Variants in EHBP1 observed in about 807,000 individuals in gnomAD.
The protein encoded by EHBP1 is EH domain-binding protein 1.
Under a neutral mutation model 144.0 loss-of-function variants are expected in EHBP1, and 55 were observed. The ratio of observed to expected loss-of-function variants is 0.38; its 90% CI spans 0.31 to 0.48. The LOEUF is 0.48. Ranked by LOEUF, EHBP1 falls within the 20% of genes least tolerant of loss-of-function variation. EHBP1 has a pLI of 0.98. For missense variants in EHBP1, 1,200 were observed against 1,364.2 expected (o/e 0.88, Z 1.90); for synonymous variants, 469 against 472.7 (o/e 0.99, Z 0.10).
At chr2:62,720,449 A>G (rs148219196) in intron 2 of EHBP1, among the ~76,000 whole-genome samples, 88 of 152,188 alleles carry the variant, frequency 5.8e-4, no homozygotes, top group Admixed American at 1.5e-3. Context: ...CTACATGCAA[A>G]TAGTTTCTCT....
In EHBP1 at chr2:62,864,745, A is replaced by G. The variant is rs1466512191; in HGVS notation, c.772A>G (p.Thr258Ala). The change falls in exon 9 of 23, where the codon ACA becomes GCA. Residue 258 changes from threonine (T) to alanine (A), a missense_variant. Thr to Ala is a moderately conservative substitution (Grantham distance 58). Around this residue, in one of 6 missense-constraint regions of EHBP1, gnomAD observed 266 missense variants for 262.4 expected, o/e 1.01. Coordinates refer to ENST00000431489, the MANE Select transcript of EHBP1 (RefSeq NM_001142616.3). ...DPDSEEPITE[T>A]ASPRKTEDSF... is the part of the protein sequence containing the mutation. ...TTATTTTATAGAACCTATCACTGAA[A>G]CAGCTTCACCTAGAAAAACAGAAGA... 2 of 1,610,122 alleles carry G rather than the reference A, an allele frequency of 1.2e-6. No individual in the cohort carries two copies. Among genetic ancestry groups the G allele is most frequent in the African/African-American group, 2.7e-5 (2 of 74,626 alleles).
At chr2:62,820,923 T>C (rs758133741) in intron 5 of EHBP1, among the ~76,000 whole-genome samples, 73 of 151,252 alleles carry the variant, frequency 4.8e-4, no homozygotes, top group Non-Finnish European at 9.7e-4. Context: ...GCTTGTAAGG[T>C]ACTGGCAATG....
rs184838049 is a variant in EHBP1 at position 62,961,970 on chromosome 2, A to G, written c.2460+6310A>G. Among the ~76,000 whole-genome samples the G allele has an allele frequency of 3.9e-3, 589 of 149,858 alleles. 7 individuals are homozygous for G. The highest frequency in any genetic ancestry group is 2.9e-3 in the Non-Finnish European group (192 of 67,318). On this transcript the variant is annotated intron_variant, in intron 14 of 22. Coordinates refer to ENST00000431489, the MANE Select transcript of EHBP1 (RefSeq NM_001142616.3). The stretch of plus-strand genomic sequence containing the variant: ...TTGAACTCGGGAGGCGAACGTTGCA[A>G]TGAGTGGAGATTGCGCCACTACACT...
intron 2 of EHBP1, among the ~76,000 whole-genome samples, chr2:62,730,626 G>T (rs2037418116): frequency 1.3e-5 from 2 of 149,600 alleles, no homozygotes; most frequent in South Asian, 2.1e-4. Flanking sequence ...TTTTTTTTTA[G>T]AGAGAGAGAG....
At chr2:62,919,236 C>T (rs2054873834) in intron 10 of EHBP1, among the ~76,000 whole-genome samples, 1 of 152,122 alleles carries the variant, frequency 6.6e-6, no homozygotes, top group African/African-American at 2.4e-5. Context: ...TGGTGTAAGC[C>T]CCTGTCTGCT....
intron 3 of EHBP1, among the ~76,000 whole-genome samples, chr2:62,763,848 G>GT (rs994394475): frequency 1.3e-5 from 2 of 152,078 alleles, no homozygotes; most frequent in Admixed American, 6.6e-5. Flanking sequence ...TATACAGTTA[G>GT]TTTTTTCTTT....
rs1573087653 is a variant in EHBP1 at position 62,745,794 on chromosome 2, C to T, written c.105-1601C>T. Among the ~76,000 whole-genome samples the T allele has an allele frequency of 2.0e-5, 3 of 151,752 alleles. No individual in the cohort carries two copies. In the East Asian group the frequency reaches 5.8e-4, roughly 29 times the overall value. ...GCTCTCCTAATCTGGACAGCATAGG[C>T]CTTGTTTAAAGGCATTTAAATAAGA... On this transcript the variant is annotated intron_variant, in intron 2 of 22. Transcript: ENST00000431489.
At chr2:62,796,045 A>C (rs2043515163) in intron 5 of EHBP1, among the ~76,000 whole-genome samples, 2 of 151,644 alleles carry the variant, frequency 1.3e-5, no homozygotes, top group African/African-American at 4.8e-5. Flanking sequence ...TTCTTTTCCT[A>C]ATAAACCTCT....
intron 19 of EHBP1, among the ~76,000 whole-genome samples, chr2:62,998,972 C>T (rs1427817423): frequency 1.3e-5 from 2 of 152,088 alleles, no homozygotes; most frequent in African/African-American, 4.8e-5. Flanking sequence ...GTACATTCAT[C>T]CTTTTCTCTT....
chr2:62,970,501 G>A (rs2058450018), intron 14 of EHBP1, among the ~76,000 whole-genome samples: 1 of 152,028 alleles, frequency 6.6e-6, no homozygotes. Flanking sequence ...TGTTTTTAAA[G>A]TTTTGTTAAG....
At chr2:62,851,634 G>C (rs1364741710) in intron 7 of EHBP1, among the ~76,000 whole-genome samples, 1 of 152,134 alleles carries the variant, frequency 6.6e-6, no homozygotes, top group Non-Finnish European at 1.5e-5. Flanking sequence ...ATAGGTACTT[G>C]ATAAATGCTT....
At position 62,948,455 on chromosome 2, in the gene EHBP1, G is replaced by A. The variant is rs2057190372; in HGVS notation, c.1609G>A (p.Glu537Lys). 1 of 1,613,278 alleles carries A rather than the reference G, an allele frequency of 6.2e-7. No homozygotes were observed. The highest frequency in any genetic ancestry group is 8.5e-7 in the Non-Finnish European group (1 of 1,179,578). Reference protein sequence around the residue: ...SKSTYKVGNYETDTNSSVDQE... With the variant: ...SKSTYKVGNYKTDTNSSVDQE... ...AAGCACATATAAAGTTGGAAACTAT[G>A]AAACAGATACAAACAGTTCTGTTGA... is the stretch of plus-strand genomic sequence containing the variant. The change falls in exon 13 of 23, where the codon GAA becomes AAA. Residue 537 changes from glutamate (E) to lysine (K), a missense_variant. By Grantham distance (56) the Glu-to-Lys change is moderately conservative. Coordinates refer to ENST00000431489, the MANE Select transcript of EHBP1 (RefSeq NM_001142616.3).
chr2:62,881,437 A>G (rs1213352495), intron 10 of EHBP1, among the ~76,000 whole-genome samples: 40 of 151,568 alleles, frequency 2.6e-4, no homozygotes, highest in Admixed American at 2.0e-3. Flanking sequence ...AAAAAAAAAA[A>G]AAGAAGGAAA....
chr2:62,773,084 C>A (rs2041790259), intron 5 of EHBP1, among the ~76,000 whole-genome samples: 1 of 152,134 alleles, frequency 6.6e-6, no homozygotes, highest in Non-Finnish European at 1.5e-5. Flanking sequence ...AATTTATATA[C>A]TCTAAATTAG....
intron 5 of EHBP1, among the ~76,000 whole-genome samples, chr2:62,818,340 T>C (rs538486877): frequency 1.2e-4 from 18 of 152,182 alleles, no homozygotes; most frequent in Middle Eastern, 6.8e-3. Context: ...GTATTTTTAC[T>C]GCACCTTTTC....
At chr2:62,730,841 C>CA (rs2037483383) in intron 2 of EHBP1, among the ~76,000 whole-genome samples, 1 of 126,978 alleles carries the variant, frequency 7.9e-6, no homozygotes, top group African/African-American at 2.9e-5. Context: ...AACAGAGAGA[C>CA]GGAGAGAGAG....
chr2:63,011,003 G>C (rs748829438), intron 19 of EHBP1, among the ~76,000 whole-genome samples: 2 of 151,494 alleles, frequency 1.3e-5, no homozygotes, highest in Non-Finnish European at 3.0e-5. Flanking sequence ...TGAAAACTGA[G>C]GCCAACAAAT....
intron 3 of EHBP1, among the ~76,000 whole-genome samples, chr2:62,751,790 C>T (rs1293594298): frequency 6.6e-6 from 1 of 152,126 alleles, no homozygotes; most frequent in East Asian, 1.9e-4. Context: ...TTATAGTATT[C>T]TCTGATGGTA....
chr2:62,779,375 CTT>C (rs913163156), intron 5 of EHBP1, among the ~76,000 whole-genome samples: 2 of 152,144 alleles, frequency 1.3e-5, no homozygotes, highest in African/African-American at 2.4e-5. Context: ...ATACAGTAAA[CTT>C]TTATTTTTCC....
Sources: allele counts gnomAD v4.1 joint callset (sites outside exome capture counted in the v4.1 genomes callset), GRCh38; gene constraint gnomAD v4.1.1; regional missense constraint gnomAD v4.1.1; transcripts MANE v1.5; gene names NCBI Gene and HGNC (gene_info 2026-07-23, HGNC 2026-07-21).